Variants in SPMIP2 observed in about 807,000 individuals in gnomAD.
SPMIP2 encodes protein SPMIP2.
chr4:158,963,639 G>A, the SPMIP2 span, among the ~76,000 whole-genome samples: 4 of 152,316 alleles, frequency 2.6e-5, no homozygotes, highest in South Asian at 4.1e-4. Flanking sequence ...TGGTATACAC[G>A]TGTTCTCAGA....
chr4:158,988,083 A>T, the SPMIP2 span, among the ~76,000 whole-genome samples: 1 of 152,236 alleles, frequency 6.6e-6, no homozygotes, highest in Admixed American at 6.5e-5. Context: ...CTGCAGAAAT[A>T]CAAACTACCA....
the SPMIP2 span, among the ~76,000 whole-genome samples, chr4:158,957,377 T>C: frequency 6.6e-6 from 1 of 152,164 alleles, no homozygotes; most frequent in Non-Finnish European, 1.5e-5. Flanking sequence ...CTTTCCCACC[T>C]CAGGGCCTGG....
chr4:158,915,150 A>C, the SPMIP2 span: 10 of 1,594,130 alleles, frequency 6.3e-6, no homozygotes, highest in Non-Finnish European at 8.6e-6. Context: ...ATGACGATTT[A>C]GAAAAGCAAA....
chr4:158,898,887 G>A, the SPMIP2 span, among the ~76,000 whole-genome samples: 2 of 152,204 alleles, frequency 1.3e-5, no homozygotes, highest in Non-Finnish European at 2.9e-5. Flanking sequence ...TAGTTGAATA[G>A]GAGTGGTGAG....
chr4:159,039,007 C>T, the SPMIP2 span, among the ~76,000 whole-genome samples: 3 of 152,108 alleles, frequency 2.0e-5, no homozygotes, highest in African/African-American at 7.2e-5. Context: ...GAGGCAGAGT[C>T]TCACTGTGTC....
At chr4:159,069,497 G>T in the SPMIP2 span, among the ~76,000 whole-genome samples, 1 of 150,400 alleles carries the variant, frequency 6.6e-6, no homozygotes, top group Admixed American at 6.6e-5. Context: ...GCAGTGGTGT[G>T]ATCATGGCTC....
the SPMIP2 span, among the ~76,000 whole-genome samples, chr4:159,041,645 A>C: frequency 6.6e-6 from 1 of 152,216 alleles, no homozygotes; most frequent in Non-Finnish European, 1.5e-5. Context: ...TTGTAAAAGA[A>C]ACTGTCATCT....
At chr4:159,032,726 G>C in the SPMIP2 span, among the ~76,000 whole-genome samples, 21 of 149,718 alleles carry the variant, frequency 1.4e-4, no homozygotes, top group East Asian at 4.1e-3. Context: ...AAATGAAAAC[G>C]TAACATTGTA....
chr4:158,985,749 C>G, the SPMIP2 span, among the ~76,000 whole-genome samples: 1 of 152,108 alleles, frequency 6.6e-6, no homozygotes, highest in Non-Finnish European at 1.5e-5. Flanking sequence ...TCTCTCACCA[C>G]TCCTATTCAA....
chr4:159,014,880 C>T, the SPMIP2 span, among the ~76,000 whole-genome samples: 1 of 152,178 alleles, frequency 6.6e-6, no homozygotes, highest in Non-Finnish European at 1.5e-5. Flanking sequence ...TGTTGGGTCA[C>T]ATTCGAAGCC....
At chr4:158,967,871 GT>G in the SPMIP2 span, among the ~76,000 whole-genome samples, 1 of 152,188 alleles carries the variant, frequency 6.6e-6, no homozygotes, top group African/African-American at 2.4e-5. Flanking sequence ...AGGAAAGAGG[GT>G]TTGGCTTGGT....
chr4:159,031,260 C>T, the SPMIP2 span, among the ~76,000 whole-genome samples: 2 of 152,114 alleles, frequency 1.3e-5, no homozygotes, highest in Admixed American at 6.5e-5. Flanking sequence ...GAACTGACTG[C>T]AGTACCATCT....
the SPMIP2 span, among the ~76,000 whole-genome samples, chr4:158,897,162 G>A: frequency 1.3e-5 from 2 of 152,172 alleles, no homozygotes; most frequent in African/African-American, 4.8e-5. Context: ...TCCCTGCAGA[G>A]GACATGAACT....
chr4:159,021,785 T>C, the SPMIP2 span, among the ~76,000 whole-genome samples: 1 of 152,188 alleles, frequency 6.6e-6, no homozygotes, highest in Admixed American at 6.5e-5. Context: ...ATGGATTGTT[T>C]TGTATCCATG....
the SPMIP2 span, among the ~76,000 whole-genome samples, chr4:158,894,947 A>T: frequency 6.6e-6 from 1 of 152,252 alleles, no homozygotes; most frequent in African/African-American, 2.4e-5. Context: ...CCTTGAAAAT[A>T]ACAGGCCTAA....
At chr4:158,934,071 T>C in the SPMIP2 span, among the ~76,000 whole-genome samples, 1 of 152,212 alleles carries the variant, frequency 6.6e-6, no homozygotes, top group Non-Finnish European at 1.5e-5. Context: ...ATTACCCATT[T>C]TTTACATACT....
the SPMIP2 span, among the ~76,000 whole-genome samples, chr4:158,981,564 A>C: frequency 6.6e-6 from 1 of 152,196 alleles, no homozygotes; most frequent in South Asian, 2.1e-4. Context: ...ACATTCTTAA[A>C]GAAAAGAATT....
the SPMIP2 span, among the ~76,000 whole-genome samples, chr4:158,958,554 A>T: frequency 2.6e-5 from 4 of 152,246 alleles, no homozygotes; most frequent in Non-Finnish European, 4.4e-5. Context: ...CACAGAATCT[A>T]ACAGTGCTTT....
At chr4:159,070,585 A>G in the SPMIP2 span, among the ~76,000 whole-genome samples, 14 of 152,338 alleles carry the variant, frequency 9.2e-5, no homozygotes, top group Non-Finnish European at 1.8e-4. Flanking sequence ...GCCTTAAATT[A>G]TTAATATCAA....
Sources: gnomAD v4.1 joint callset for allele counts (sites outside exome capture counted in the v4.1 genomes callset) on GRCh38, gnomAD v4.1.1 for gene constraint, MANE v1.5 for transcripts, NCBI Gene and HGNC (gene_info 2026-07-23, HGNC 2026-07-21) for gene names.